The following GRM8 variants were observed in gnomAD, a reference collection of about 807,000 sequenced individuals.
GRM8 encodes glutamate metabotropic receptor 8, also known as metabotropic glutamate receptor 8.
GRM8 carries 47 observed loss-of-function variants against 87.2 expected under a neutral mutation model. The observed-to-expected ratio is 0.54, with a 90% confidence interval of 0.43 to 0.69. The LOEUF is 0.69. Ranked by LOEUF, GRM8 falls within the 30% of genes least tolerant of loss-of-function variation. The probability of loss-of-function intolerance (pLI) is 0.00; values close to 1 mark genes in which losing one functional copy is unlikely to be tolerated. For synonymous variants in GRM8, 396 were observed against 404.5 expected (o/e 0.98, Z 0.25); for missense variants, 1,019 against 1,139.2 (o/e 0.89, Z 1.52).
At chr7:126,984,610 T>C (rs1440741527) in intron 3 of GRM8, among the ~76,000 whole-genome samples, 1 of 152,230 alleles carries the variant, frequency 6.6e-6, no homozygotes, top group Non-Finnish European at 1.5e-5. Flanking sequence ...AGACAGCCTA[T>C]TGTGGGACCT....
chr7:126,869,957 A>AAAAAAAAAAAAAAAAAT, intron 6 of GRM8: 1 of 142,142 alleles, frequency 7.0e-6, no homozygotes, highest in African/African-American at 2.6e-5. Flanking sequence ...AAAAAAAAAA[A>AAAAAAAAAAAAAAAAAT]AAAAGTCCTA....
At chr7:126,760,799 A>G (rs184421810) in intron 7 of GRM8, among the ~76,000 whole-genome samples, 10 of 152,316 alleles carry the variant, frequency 6.6e-5, no homozygotes. Flanking sequence ...CATTTACTAG[A>G]CAAGTAAATT....
chr7:126,614,740 TA>T (rs1799276655), intron 7 of GRM8, among the ~76,000 whole-genome samples: 1 of 152,336 alleles, frequency 6.6e-6, no homozygotes, highest in East Asian at 1.9e-4. Flanking sequence ...CAAGCTTCAG[TA>T]GCTGATTTGA....
chr7:126,467,251 T>G (rs1400387263), intron 9 of GRM8, among the ~76,000 whole-genome samples: 1 of 151,846 alleles, frequency 6.6e-6, no homozygotes, highest in Non-Finnish European at 1.5e-5. Context: ...GGTGTTTGGT[T>G]TTCTGTTCCT....
chr7:127,128,196 A>C (rs1162432918), intron 2 of GRM8, among the ~76,000 whole-genome samples: 1 of 152,166 alleles, frequency 6.6e-6, no homozygotes, highest in Non-Finnish European at 1.5e-5. Flanking sequence ...TTTGAATCTT[A>C]AGAAGTGGTT....
chr7:127,166,999 G>A (rs1277921396), intron 2 of GRM8, among the ~76,000 whole-genome samples: 1 of 152,100 alleles, frequency 6.6e-6, no homozygotes, highest in Non-Finnish European at 1.5e-5. Flanking sequence ...GCAAGCATGA[G>A]TTGAATTAAA....
chr7:127,205,616 C>G (rs1270770543), intron 2 of GRM8, among the ~76,000 whole-genome samples: 4 of 152,176 alleles, frequency 2.6e-5, no homozygotes, highest in African/African-American at 9.7e-5. Context: ...CTCTACCGCT[C>G]TGCAGAGGCC....
At chr7:126,874,526 C>T (rs1799377087) in intron 6 of GRM8, among the ~76,000 whole-genome samples, 1 of 152,016 alleles carries the variant, frequency 6.6e-6, no homozygotes, top group Non-Finnish European at 1.5e-5. Context: ...CATACCATGA[C>T]TCAGATGCCA....
chr7:126,547,628 A>C (rs1225779239), intron 8 of GRM8, among the ~76,000 whole-genome samples: 1 of 152,032 alleles, frequency 6.6e-6, no homozygotes, highest in Non-Finnish European at 1.5e-5. Flanking sequence ...AAATAAATGA[A>C]GCAAAAAAGT....
intron 6 of GRM8, among the ~76,000 whole-genome samples, chr7:126,852,655 T>C (rs1245029005): frequency 6.6e-6 from 1 of 152,152 alleles, no homozygotes; most frequent in Admixed American, 6.5e-5. Context: ...GTATTGAGAG[T>C]ATTTTCTTTA....
intron 9 of GRM8, among the ~76,000 whole-genome samples, chr7:126,490,938 C>A (rs1182341851): frequency 6.6e-6 from 1 of 152,000 alleles, no homozygotes; most frequent in Non-Finnish European, 1.5e-5. Flanking sequence ...TTTACAGAAT[C>A]CTGAATGTGA....
intron 3 of GRM8, among the ~76,000 whole-genome samples, chr7:126,942,217 G>A (rs966271766): frequency 2.6e-5 from 4 of 152,170 alleles, no homozygotes; most frequent in Non-Finnish European, 4.4e-5. Context: ...TATTGAGAAC[G>A]TACCTATTTT....
chr7:126,909,962 T>A (rs1803119415), intron 3 of GRM8, among the ~76,000 whole-genome samples: 1 of 152,138 alleles, frequency 6.6e-6, no homozygotes. Flanking sequence ...GTTTAGTGAC[T>A]GCAAATGATT....
chr7:127,245,331 A>G (rs1268518475), intron 1 of GRM8, among the ~76,000 whole-genome samples: 4 of 152,248 alleles, frequency 2.6e-5, no homozygotes, highest in Non-Finnish European at 5.9e-5. Context: ...CTGACAGAGT[A>G]CAGACTAAAT....
chr7:126,538,475 G>T (rs1421526048), intron 8 of GRM8, among the ~76,000 whole-genome samples: 3 of 151,844 alleles, frequency 2.0e-5, no homozygotes, highest in African/African-American at 7.3e-5. Flanking sequence ...CTAATACAAT[G>T]TTTTTCCTAA....
At chr7:126,481,395 A>G (rs1017610157) in intron 9 of GRM8, among the ~76,000 whole-genome samples, 7 of 152,112 alleles carry the variant, frequency 4.6e-5, no homozygotes, top group Admixed American at 1.3e-4. Flanking sequence ...TAACTTCATA[A>G]TGGAGAAATC....
intron 10 of GRM8, among the ~76,000 whole-genome samples, chr7:126,440,566 C>A (rs1344205289): frequency 6.6e-6 from 1 of 151,924 alleles, no homozygotes; most frequent in Non-Finnish European, 1.5e-5. Flanking sequence ...CATTTTTTAT[C>A]TTGTATACTC....
At chr7:127,068,757 A>T (rs1821385751) in intron 3 of GRM8, among the ~76,000 whole-genome samples, 2 of 152,162 alleles carry the variant, frequency 1.3e-5, no homozygotes, top group African/African-American at 4.8e-5. Context: ...TGATTACACC[A>T]CACAGTGAGG....
intron 6 of GRM8, among the ~76,000 whole-genome samples, chr7:126,862,139 GT>G (rs1180725779): frequency 6.6e-6 from 1 of 151,818 alleles, no homozygotes; most frequent in Non-Finnish European, 1.5e-5. Context: ...ATTTTAGTTT[GT>G]TTTAAATGTC....
Sources: allele counts gnomAD v4.1 joint callset (sites outside exome capture counted in the v4.1 genomes callset), GRCh38; gene constraint gnomAD v4.1.1; transcripts MANE v1.5; gene names NCBI Gene and HGNC (gene_info 2026-07-23, HGNC 2026-07-21).